The following PCDHA3 variants were observed in gnomAD, a reference collection of about 807,000 sequenced individuals.
The protein encoded by PCDHA3 is protocadherin alpha 3.
A neutral mutation model predicts 62.2 loss-of-function variants in PCDHA3; 41 were observed. The ratio of observed to expected loss-of-function variants is 0.66; its 90% CI spans 0.51 to 0.86. PCDHA3 has a LOEUF of 0.86. Among genes scored for constraint, PCDHA3 ranks in the 40% least tolerant of loss-of-function variants. PCDHA3 has a pLI of 0.00. For missense variants in PCDHA3, 1,304 were observed against 1,241.2 expected (o/e 1.05, Z -0.76); for synonymous variants, 640 against 555.4 (o/e 1.15, Z -2.14).
Position 140,884,627 on chromosome 5 carries a change from G to C in PCDHA3, c.2394+81036G>C, listed in dbSNP as rs140550923. On this transcript the variant is annotated intron_variant, in intron 1 of 3. Transcript: ENST00000522353. ...TTGTCTGGGTTCTGCAGAGGGAACA[G>C]GCCAGAGGGAGGAGGACTCAGAATG... The C allele has an allele frequency of 4.8e-5, 77 of 1,612,780 alleles. No individual in the cohort carries two copies. In the African/African-American group the frequency reaches 8.8e-4, roughly 18 times the overall value.
intron 1 of PCDHA3, among the ~76,000 whole-genome samples, chr5:140,886,827 G>GAAAAA (rs782016620): frequency 6.6e-5 from 4 of 60,918 alleles, no homozygotes; most frequent in African/African-American, 6.0e-5. Flanking sequence ...ACTTCGTCTT[G>GAAAAA]AAAAAAAAAA....
chr5:140,922,164 A>G lies in PCDHA3; in HGVS notation c.2395-56785A>G, dbSNP rs1382732959. Among the ~76,000 whole-genome samples the G allele has an allele frequency of 2.1e-5, 3 of 145,926 alleles. No individual in the cohort carries two copies. The East Asian group carries it at 6.4e-4, about 31-fold the overall frequency. Reference sequence around the variant, plus strand: ...CATGAAACTCATCAAAAACAACAAAAAGTACAGCAGACAAAAAAAAAGTCT... The same window carrying G: ...CATGAAACTCATCAAAAACAACAAAGAGTACAGCAGACAAAAAAAAAGTCT... On this transcript the variant is annotated intron_variant, in intron 1 of 3. Transcript: ENST00000522353.
chr5:140,995,674 A>G (rs1205485736), intron 3 of PCDHA3, among the ~76,000 whole-genome samples: 2 of 151,994 alleles, frequency 1.3e-5, no homozygotes, highest in East Asian at 3.9e-4. Flanking sequence ...TAAATGCAGC[A>G]TTTTTTTTAA....
chr5:140,870,155 T>C (rs1554163855), intron 1 of PCDHA3: 4 of 1,614,014 alleles, frequency 2.5e-6, no homozygotes, highest in Non-Finnish European at 3.4e-6. Flanking sequence ...GAAGTCGCCG[T>C]GACTTCCTTG....
Position 140,823,912 on chromosome 5 carries a change from A to T in PCDHA3, c.2394+20321A>T. On this transcript the variant is annotated intron_variant, in intron 1 of 3. Coordinates refer to ENST00000522353, the MANE Select transcript of PCDHA3 (RefSeq NM_018906.3). ...TGCGGTGTCCAGCCTGCTGGTGCTC[A>T]CGCTGCTGCTGTACACCGCGCTGCG... is the stretch of plus-strand genomic sequence containing the variant. The T allele has an allele frequency of 6.2e-7, 1 of 1,613,952 alleles. No homozygotes were observed. Among genetic ancestry groups the T allele is most frequent in the Non-Finnish European group, 8.5e-7 (1 of 1,179,930 alleles).
At position 141,010,264 on chromosome 5, in the gene PCDHA3, G is replaced by A. The variant is rs1265692233; in HGVS notation, c.*327G>A. On this transcript the variant is annotated 3_prime_UTR_variant, in exon 4 of 4. Transcript: ENST00000522353. ...GGTTGGACTCTCTGCCCTGTGCTCC[G>A]GGGATCCTGTCTTGATGACACTTGC... The A allele has an allele frequency of 1.4e-5, 22 of 1,551,586 alleles. No individual in the cohort carries two copies. The highest frequency in any genetic ancestry group is 1.1e-4 in the South Asian group (9 of 84,060).
At chr5:140,992,282 TG>T (rs1554252798) in intron 3 of PCDHA3, among the ~76,000 whole-genome samples, 1 of 152,178 alleles carries the variant, frequency 6.6e-6, no homozygotes, top group African/African-American at 2.4e-5. Context: ...AGCACATCCC[TG>T]CAAAGGATGG....
In PCDHA3 at chr5:140,803,392, G is replaced by C. The variant is rs1554122787; in HGVS notation, c.2195G>C (p.Cys732Ser). The change falls in exon 1 of 4, where the codon TGT (cysteine) becomes TCT (serine). Residue 732 changes from cysteine (C) to serine (S), a missense_variant. Coordinates refer to ENST00000522353, the MANE Select transcript of PCDHA3 (RefSeq NM_018906.3). ...RCSAPPTEGD[C>S]GPGKPTLVCS... ...TCCGCGCCGCCAACCGAAGGCGACT[G>C]TGGGCCGGGCAAGCCCACGCTGGTG... The C allele has an allele frequency of 6.2e-7, 1 of 1,614,246 alleles. No individual in the cohort carries two copies. The highest frequency in any genetic ancestry group is 2.2e-5 in the East Asian group (1 of 44,880).
intron 1 of PCDHA3, chr5:140,884,487 T>C (rs374963144): frequency 6.2e-7 from 1 of 1,613,832 alleles, no homozygotes; most frequent in African/African-American, 1.3e-5. Flanking sequence ...CCCACTCTAG[T>C]GTGCTCCAGC....
At chr5:140,824,292 T>G in intron 1 of PCDHA3, 1 of 942,046 alleles carries the variant, frequency 1.1e-6, no homozygotes, top group South Asian at 1.6e-5. Context: ...TATGAGGCTT[T>G]TCTGCTGGGG....
rs1762990627 is a variant in PCDHA3, at chr5:140,802,666, T to G, written c.1469T>G (p.Val490Gly). 3.1e-6 allele frequency: 5 copies of G among 1,613,472 alleles called. No individual in the cohort carries two copies. The East Asian group carries it at 1.1e-4, about 36-fold the overall frequency. Residue 490 changes from valine (V) to glycine (G), a missense_variant, in exon 1 of 4, where the codon GTG becomes GGG. Val to Gly is a moderately radical substitution (Grantham distance 109). Transcript: ENST00000522353. ...GCGGACGCGCAGGAGAACGCCCTGGTGTCCTACTCGCTGGTGGAACGGCGG... is the reference window on the plus strand; with the variant it reads ...GCGGACGCGCAGGAGAACGCCCTGGGGTCCTACTCGCTGGTGGAACGGCGG... ...RDADAQENAL[V>G]SYSLVERRVG... is the part of the protein sequence containing the mutation.
rs2150119705 is a variant in PCDHA3, at chr5:140,822,833, C to A, written c.2394+19242C>A. The stretch of plus-strand genomic sequence containing the variant: ...AATACCCCAGAGATGGCCATAACCA[C>A]CCTTTTCCTGCCTGTCAAAGAGGAC... On this transcript the variant is annotated intron_variant, in intron 1 of 3. Coordinates refer to ENST00000522353, the MANE Select transcript of PCDHA3 (RefSeq NM_018906.3). The A allele has an allele frequency of 0.011, 17,399 of 1,614,148 alleles. 1,609 individuals carry two copies. In the African/African-American group the frequency reaches 0.2, roughly 19 times the overall value.
chr5:140,861,715 C>A, intron 1 of PCDHA3: 1 of 216,886 alleles, frequency 4.6e-6, no homozygotes, highest in South Asian at 7.0e-5. Flanking sequence ...ACGTCGGGGC[C>A]AATGCTCTGA....
intron 1 of PCDHA3, chr5:140,871,330 G>A: frequency 1.9e-6 from 3 of 1,614,116 alleles, no homozygotes; most frequent in South Asian, 1.1e-5. Flanking sequence ...GTGCTCCCGC[G>A]CGGTGGGGAG....
At chr5:140,992,897 T>G (rs2097532683) in intron 3 of PCDHA3, among the ~76,000 whole-genome samples, 2 of 152,156 alleles carry the variant, frequency 1.3e-5, no homozygotes, top group Admixed American at 1.3e-4. Flanking sequence ...GCTGGATATC[T>G]CCAAAGCTTA....
intron 1 of PCDHA3, chr5:140,835,444 C>T (rs1773641752): frequency 6.2e-7 from 1 of 1,613,922 alleles, no homozygotes; most frequent in Non-Finnish European, 8.5e-7. Context: ...ACTCTCACTT[C>T]CCTGTCTCTC....
intron 1 of PCDHA3, among the ~76,000 whole-genome samples, chr5:140,913,707 A>T (rs1355291016): frequency 6.6e-6 from 1 of 152,120 alleles, no homozygotes; most frequent in Non-Finnish European, 1.5e-5. Flanking sequence ...CAATGTAGGC[A>T]ATTACAGCTA....
intron 1 of PCDHA3, chr5:140,927,385 C>T (rs781913021): frequency 1.9e-6 from 3 of 1,614,098 alleles, no homozygotes; most frequent in Non-Finnish European, 1.7e-6. Flanking sequence ...CAGCCTAAGC[C>T]CCAGTCAGCA....
intron 1 of PCDHA3, among the ~76,000 whole-genome samples, chr5:140,937,805 G>A (rs1192616946): frequency 1.3e-5 from 2 of 149,798 alleles, no homozygotes; most frequent in African/African-American, 2.5e-5. Context: ...CCAGCTACTC[G>A]GGAAGCTGAG....
Sources: allele counts gnomAD v4.1 joint callset (sites outside exome capture counted in the v4.1 genomes callset), GRCh38; gene constraint gnomAD v4.1.1; transcripts MANE v1.5; gene names NCBI Gene and HGNC (gene_info 2026-07-23, HGNC 2026-07-21).